The following TATDN3 variants were observed in gnomAD, a reference collection of about 807,000 sequenced individuals.
TATDN3 encodes TatD DNase domain containing 3.
In TATDN3, 29 loss-of-function variants were observed where a neutral mutation model predicts 40.1. The ratio of observed to expected loss-of-function variants is 0.72; its 90% confidence interval spans 0.54 to 0.99. TATDN3 has a LOEUF of 0.99. Among genes scored for constraint, TATDN3 ranks in the 50% least tolerant of loss-of-function variants. The pLI is 0.00. For missense variants in TATDN3, 309 were observed against 321.9 expected (o/e 0.96, Z 0.31); for synonymous variants, 105 against 117.0 (o/e 0.90, Z 0.66).
chr1:212,800,890 C>CT (rs112248012), intron 4 of TATDN3, among the ~76,000 whole-genome samples: 23,956 of 140,132 alleles, frequency 0.17, 2,739 homozygotes, highest in Admixed American at 0.39. Flanking sequence ...GGTATGTAAT[C>CT]TTTTTTTTTT....
intron 9 of TATDN3, among the ~76,000 whole-genome samples, chr1:212,813,697 C>CTTGTTT (rs199525131): frequency 1.2e-4 from 18 of 150,908 alleles, no homozygotes; most frequent in African/African-American, 3.6e-4. Flanking sequence ...TGCCTGGCTA[C>CTTGTTT]TTGTTTTTGT....
At chr1:212,807,646 C>T in intron 7 of TATDN3, 90 bp from the exon 8 acceptor site, 1 of 949,872 alleles carries the variant, frequency 1.1e-6, no homozygotes, top group Non-Finnish European at 1.6e-6. Context: ...TCCTAGTGAC[C>T]AACATTTACT....
chr1:212,809,608 CG>C (rs773306906), intron 8 of TATDN3, among the ~76,000 whole-genome samples: 106 of 150,982 alleles, frequency 7.0e-4, no homozygotes, highest in Non-Finnish European at 1.3e-3. Context: ...GGCGTGAACC[CG>C]GGGGGGCAGA....
chr1:212,807,434 G>C (rs1229414276), intron 7 of TATDN3, among the ~76,000 whole-genome samples: 1 of 151,920 alleles, frequency 6.6e-6, no homozygotes, highest in Non-Finnish European at 1.5e-5. Context: ...TGTATTTTTT[G>C]TAGAGACGGG....
intron 8 of TATDN3, among the ~76,000 whole-genome samples, chr1:212,809,155 A>G (rs1436503123): frequency 6.6e-6 from 1 of 152,248 alleles, no homozygotes; most frequent in Non-Finnish European, 1.5e-5. Context: ...TTCATGTGAA[A>G]TGTCCAGGTG....
At chr1:212,807,945 C>T (rs1452950700) in intron 8 of TATDN3, 97 bp downstream of exon 8, 10 of 732,464 alleles carry the variant, frequency 1.4e-5, no homozygotes, top group Non-Finnish European at 2.0e-5. Context: ...AGTTACATTA[C>T]AAAAATTAAT....
rs1040230182 is a variant in TATDN3, at chr1:212,796,368, A to G, written c.100-149A>G. The G allele has an allele frequency of 5.6e-6, 3 of 540,460 alleles. No homozygotes were observed. In the African/African-American group the frequency reaches 5.9e-5, roughly 11 times the overall value. 33.5% of individuals were successfully genotyped at this position (540,460 alleles called of 1,614,324 possible). ...ATTCACTGAACATAAGGTCTGAAACATAGTAAATACTCAATGATAGCCCTT... is the reference window on the plus strand; with the variant it reads ...ATTCACTGAACATAAGGTCTGAAACGTAGTAAATACTCAATGATAGCCCTT... On this transcript the variant is annotated intron_variant, in intron 2 of 9. Coordinates refer to ENST00000366974, the MANE Select transcript of TATDN3 (RefSeq NM_001042552.3).
intron 3 of TATDN3, 70 bp downstream of exon 3, chr1:212,796,660 T>C: frequency 9.2e-7 from 1 of 1,091,142 alleles, no homozygotes; most frequent in Non-Finnish European, 1.3e-6. Flanking sequence ...GTTTATAATA[T>C]CAAAGATCCA....
intron 7 of TATDN3, among the ~76,000 whole-genome samples, chr1:212,806,930 ATATT>A (rs1662574919): frequency 1.4e-5 from 2 of 138,606 alleles, no homozygotes; most frequent in Admixed American, 7.3e-5. Context: ...ACATATATAT[ATATT>A]TATTTATTTT....
Position 212,804,600 on chromosome 1 carries a change from G to C in TATDN3, c.436G>C (p.Val146Leu). ...AATGTTGTTATCGTTAAACAGAAAT[G>C]TGCACTCACGCTCTGCTGGAAGACC... ...LAKRLNLPVN[V>L]HSRSAGRPTI... is the part of the protein sequence containing the mutation. Residue 146 changes from valine to leucine, a missense_variant, in exon 7 of 10, where the codon GTG (valine) becomes CTG (leucine). Val to Leu is a conservative substitution (Grantham distance 32). Coordinates refer to ENST00000366974, the MANE Select transcript of TATDN3 (RefSeq NM_001042552.3). The C allele has an allele frequency of 6.2e-7, 1 of 1,613,372 alleles. No homozygotes were observed. Among genetic ancestry groups the C allele is most frequent in the Non-Finnish European group, 8.5e-7 (1 of 1,179,698 alleles).
chr1:212,815,321 C>A lies in TATDN3; in HGVS notation c.*165C>A. ...CTTAGAAATAAAACTGGGCTTGGATCCTGAAACCCTGGGTTCTGATTCTAG... is the reference window on the plus strand; with the variant it reads ...CTTAGAAATAAAACTGGGCTTGGATACTGAAACCCTGGGTTCTGATTCTAG... On this transcript the variant is annotated 3_prime_UTR_variant, in exon 10 of 10. Coordinates refer to ENST00000366974, the MANE Select transcript of TATDN3 (RefSeq NM_001042552.3). 2 of 784,854 alleles carry A rather than the reference C, an allele frequency of 2.5e-6. No individual in the cohort carries two copies. The highest frequency in any genetic ancestry group is 3.6e-6 in the Non-Finnish European group (2 of 551,436). The allele number at this position is 784,854 out of a possible 1,614,324, so 48.6% of individuals were successfully genotyped here. A position where few individuals can be genotyped will look rare whatever the true frequency, so the allele number is the denominator to read the frequency against.
In TATDN3 at chr1:212,815,149, A is replaced by G. The variant is rs1663118708; in HGVS notation, c.818A>G (p.Gln273Arg). 1 of 1,610,460 alleles carries G rather than the reference A, an allele frequency of 6.2e-7. No homozygotes were observed. Among genetic ancestry groups the G allele is most frequent in the African/African-American group, 1.3e-5 (1 of 74,752 alleles). The change falls in exon 10 of 10, where the codon CAG becomes CGG. Residue 273 changes from glutamine to arginine, a missense_variant. Physicochemically the swap from Gln to Arg is conservative, Grantham distance 43. Transcript: ENST00000366974. ...TTTCCTAAGCTCCGACACTTGCTCC[A>G]GAAATAGCTTCAAAACCATCCATTA... Reference protein sequence around the residue: ...KLFPKLRHLLQK With the variant: ...KLFPKLRHLLRK
chr1:212,810,511 CAAAAAAAAA>C (rs55912631), intron 8 of TATDN3, among the ~76,000 whole-genome samples: 610 of 49,734 alleles, frequency 0.012, 7 homozygotes, highest in African/African-American at 0.047. Context: ...GACTCTGTCT[CAAAAAAAAA>C]AAAAAAAAAA....
intron 9 of TATDN3, among the ~76,000 whole-genome samples, chr1:212,813,712 G>A (rs1447600718): frequency 6.7e-6 from 1 of 149,942 alleles, no homozygotes; most frequent in African/African-American, 2.4e-5. Flanking sequence ...TTTTGTTTTT[G>A]TTTTTGTTTT....
chr1:212,802,324 A>C (rs907999141), intron 4 of TATDN3, among the ~76,000 whole-genome samples: 1 of 152,216 alleles, frequency 6.6e-6, no homozygotes, highest in Non-Finnish European at 1.5e-5. Context: ...GGAGAACACA[A>C]CAATGCAATC....
chr1:212,797,364 A>G (rs1571951212), intron 4 of TATDN3, 168 bp downstream of exon 4: 1 of 599,120 alleles, frequency 1.7e-6, no homozygotes. Context: ...TAATAGAGAA[A>G]AAGTAGAAAC....
At position 212,816,228 on chromosome 1, in the gene TATDN3, C is replaced by A. The variant is rs1228367015; in HGVS notation, c.*1072C>A. Reference sequence around the variant, plus strand: ...GCACAGTGGCATTCACCTGTAGTGCCAACCACTCAGGAGGCTGAGATGGGA... The same window carrying A: ...GCACAGTGGCATTCACCTGTAGTGCAAACCACTCAGGAGGCTGAGATGGGA... On this transcript the variant is annotated 3_prime_UTR_variant, in exon 10 of 10. Coordinates refer to ENST00000366974, the MANE Select transcript of TATDN3 (RefSeq NM_001042552.3). The A allele has an allele frequency of 6.6e-6, 1 of 152,134 alleles. No homozygotes were observed. The highest frequency in any genetic ancestry group is 1.5e-5 in the Non-Finnish European group (1 of 68,044). The allele number at this position is 152,134 out of a possible 1,614,324, so 9.4% of individuals were successfully genotyped here.
chr1:212,794,208 G>T (rs1276037363), intron 1 of TATDN3, among the ~76,000 whole-genome samples: 1 of 151,806 alleles, frequency 6.6e-6, no homozygotes, highest in Non-Finnish European at 1.5e-5. Flanking sequence ...GTGAACCCGG[G>T]AGGCGGAGCT....
intron 7 of TATDN3, 135 bp downstream of exon 7, chr1:212,804,786 G>C: frequency 1.4e-6 from 1 of 707,278 alleles, no homozygotes; most frequent in Non-Finnish European, 2.4e-6. Context: ...AATCATCTAA[G>C]ATGATGTTGC....
Sources: allele counts gnomAD v4.1 joint callset (sites outside exome capture counted in the v4.1 genomes callset), GRCh38; gene constraint gnomAD v4.1.1; transcripts MANE v1.5; gene names NCBI Gene and HGNC (gene_info 2026-07-23, HGNC 2026-07-21).